ACSL3: variants seen among roughly 807,000 people sequenced by gnomAD.
ACSL3 encodes the protein acyl-CoA synthetase long chain family member 3, also known as fatty acid CoA ligase Acsl3.
In ACSL3, 34 loss-of-function variants were observed where a neutral mutation model predicts 84.7. The ratio of observed to expected loss-of-function variants is 0.40; its 90% CI spans 0.31 to 0.53. ACSL3 has a LOEUF of 0.53. ACSL3 is among the 20% of genes least tolerant of loss of function. The pLI is 0.48. For synonymous variants in ACSL3, 315 were observed against 299.4 expected (o/e 1.05, Z -0.54); for missense variants, 680 against 873.1 (o/e 0.78, Z 2.79).
Position 222,941,828 on chromosome 2 carries a change from G to A in ACSL3, c.*174G>A. 1 of 614,030 alleles carries A rather than the reference G, an allele frequency of 1.6e-6. No homozygotes were observed. 38.0% of individuals were successfully genotyped at this position (614,030 alleles called of 1,614,324 possible). On this transcript the variant is annotated 3_prime_UTR_variant, in exon 17 of 17. Coordinates refer to ENST00000357430, the MANE Select transcript of ACSL3 (RefSeq NM_004457.5). ...AGTAAAACATTAAGACAGCAAACTT[G>A]TGTCTGTCTCTTCTTTCATTTTCCC...
At chr2:222,894,981 C>G (rs1161481886) in intron 2 of ACSL3, among the ~76,000 whole-genome samples, 1 of 151,978 alleles carries the variant, frequency 6.6e-6, no homozygotes, top group Non-Finnish European at 1.5e-5. Context: ...GACTATGTTA[C>G]TACTAGTTGC....
At position 222,921,303 on chromosome 2, in the gene ACSL3, T is replaced by C; in HGVS notation, c.829T>C (p.Leu277=). Residue 277 remains leucine (L), a synonymous_variant, in exon 8 of 17, where the codon TTG becomes CTG. Transcript: ENST00000357430. ...AGAAAACCAACCTCATAGCAAACCA[T>C]TGCCCTCAGATATTGCAGTAATCAT... ...SMENQPHSKP[L]PSDIAVIMYT... is the part of the protein sequence containing the mutation. 6.3e-7 allele frequency: 1 copy of C among 1,597,326 alleles called. No individual in the cohort carries two copies. Among genetic ancestry groups the C allele is most frequent in the Non-Finnish European group, 8.6e-7 (1 of 1,166,090 alleles).
At chr2:222,921,016 A>C in intron 7 of ACSL3, 1 of 569,148 alleles carries the variant, frequency 1.8e-6, no homozygotes. Flanking sequence ...TTTCCATCCA[A>C]ATAGCATCTA....
At chr2:222,934,281 A>G (rs1026228250) in intron 15 of ACSL3, among the ~76,000 whole-genome samples, 5 of 152,348 alleles carry the variant, frequency 3.3e-5, no homozygotes, top group African/African-American at 1.2e-4. Flanking sequence ...ACAGTTTTTC[A>G]TAGTTGAAAT....
rs1696999774 is a variant in ACSL3 at position 222,930,495 on chromosome 2, G to A, written c.1541-126G>A. 2.0e-5 allele frequency: 15 copies of A among 731,934 alleles called. No individual in the cohort carries two copies. In the South Asian group the frequency reaches 4.2e-4, roughly 21 times the overall value. 45.3% of individuals were successfully genotyped at this position (731,934 alleles called of 1,614,324 possible). A position where few individuals can be genotyped will look rare whatever the true frequency, so the allele number is the denominator to read the frequency against. On this transcript the variant is annotated intron_variant, in intron 13 of 16. Transcript: ENST00000357430. ...TTGATAAACTTTGTTCATTCATAGTGTCTGCCTTTTTTCCTTTGGGAAGTT... is the reference window on the plus strand; with the variant it reads ...TTGATAAACTTTGTTCATTCATAGTATCTGCCTTTTTTCCTTTGGGAAGTT...
chr2:222,894,330 G>A (rs980327793), intron 2 of ACSL3, among the ~76,000 whole-genome samples: 3 of 152,140 alleles, frequency 2.0e-5, no homozygotes, highest in Admixed American at 2.0e-4. Context: ...GATCTTCCTT[G>A]TGCTTGATCA....
At chr2:222,885,252 T>G (rs1695691560) in intron 1 of ACSL3, among the ~76,000 whole-genome samples, 1 of 152,194 alleles carries the variant, frequency 6.6e-6, no homozygotes, top group South Asian at 2.1e-4. Flanking sequence ...TCAAAAGGGA[T>G]TGCTGGGTCA....
intron 1 of ACSL3, among the ~76,000 whole-genome samples, chr2:222,876,378 A>G (rs1002091499): frequency 1.3e-5 from 2 of 151,926 alleles, no homozygotes; most frequent in African/African-American, 4.8e-5. Context: ...CTGAAGTGCC[A>G]TGGCACAATC....
intron 3 of ACSL3, among the ~76,000 whole-genome samples, chr2:222,903,643 T>C (rs1173373469): frequency 2.0e-5 from 3 of 152,216 alleles, no homozygotes; most frequent in Non-Finnish European, 4.4e-5. Context: ...TTATAAAATT[T>C]TTTTCTGTAT....
chr2:222,876,592 G>A (rs192034989), intron 1 of ACSL3, among the ~76,000 whole-genome samples: 2 of 152,220 alleles, frequency 1.3e-5, no homozygotes, highest in Admixed American at 6.5e-5. Flanking sequence ...AAACTGTTGG[G>A]ATTACAGGCA....
At position 222,941,703 on chromosome 2, in the gene ACSL3, G is replaced by GA; in HGVS notation, c.*53dup. ...GCTACAGTGAGCTCAGATCAAATAGGAAAATACTTGAAATGCATGTCTCAA... is the reference window on the plus strand; with the variant it reads ...GCTACAGTGAGCTCAGATCAAATAGGAAAAATACTTGAAATGCATGTCTCAA... On this transcript the variant is annotated 3_prime_UTR_variant, in exon 17 of 17. Transcript: ENST00000357430. 6.5e-7 allele frequency: 1 copy of GA among 1,530,428 alleles called. No individual in the cohort carries two copies. Among genetic ancestry groups the GA allele is most frequent in the Non-Finnish European group, 8.8e-7 (1 of 1,134,646 alleles). The allele number at this position is 1,530,428 out of a possible 1,614,324, so 94.8% of individuals were successfully genotyped here. A position where few individuals can be genotyped will look rare whatever the true frequency, so the allele number is the denominator to read the frequency against.
chr2:222,879,905 T>C (rs1695547578), intron 1 of ACSL3, among the ~76,000 whole-genome samples: 1 of 152,130 alleles, frequency 6.6e-6, no homozygotes, highest in East Asian at 1.9e-4. Flanking sequence ...CCTTTTTTTT[T>C]TTTTTCTATT....
chr2:222,873,647 T>C (rs972524557), intron 1 of ACSL3, among the ~76,000 whole-genome samples: 1 of 152,228 alleles, frequency 6.6e-6, no homozygotes, highest in Non-Finnish European at 1.5e-5. Context: ...GGAAATATAT[T>C]GTGTGTAAAT....
At chr2:222,876,570 C>A (rs921709839) in intron 1 of ACSL3, among the ~76,000 whole-genome samples, 12 of 152,102 alleles carry the variant, frequency 7.9e-5, no homozygotes, top group African/African-American at 2.7e-4. Context: ...ATTCCTCCTG[C>A]CTCAGTTACC....
At chr2:222,913,422 A>G (rs1382892941) in intron 4 of ACSL3, among the ~76,000 whole-genome samples, 3 of 152,088 alleles carry the variant, frequency 2.0e-5, no homozygotes, top group African/African-American at 7.2e-5. Context: ...TGGGTTGGTT[A>G]TTATATTACT....
At chr2:222,919,703 G>A (rs115973956) in intron 7 of ACSL3, among the ~76,000 whole-genome samples, 154 of 152,326 alleles carry the variant, frequency 1.0e-3, no homozygotes, top group African/African-American at 3.4e-3. Flanking sequence ...GTTAGCTAGT[G>A]TACTAGTGTT....
At chr2:222,894,049 TGTTACAG>T (rs1015359668) in intron 2 of ACSL3, among the ~76,000 whole-genome samples, 51 of 152,328 alleles carry the variant, frequency 3.3e-4, no homozygotes, top group African/African-American at 1.2e-3. Context: ...AATTGGGAGT[TGTTACAG>T]GGCATTTGAC....
At chr2:222,896,239 C>T (rs1425145899) in intron 2 of ACSL3, among the ~76,000 whole-genome samples, 2 of 8,768 alleles carry the variant, frequency 2.3e-4, no homozygotes, top group Non-Finnish European at 3.6e-4. Flanking sequence ...GGCGGCTGGC[C>T]GGGCAGAGGG....
intron 13 of ACSL3, among the ~76,000 whole-genome samples, chr2:222,929,389 A>G (rs1696964303): frequency 6.6e-6 from 1 of 152,098 alleles, no homozygotes; most frequent in Non-Finnish European, 1.5e-5. Context: ...TTCTCATGCC[A>G]TTTAAAATAA....
Sources: allele counts gnomAD v4.1 joint callset (sites outside exome capture counted in the v4.1 genomes callset), GRCh38; gene constraint gnomAD v4.1.1; transcripts MANE v1.5; gene names NCBI Gene and HGNC (gene_info 2026-07-23, HGNC 2026-07-21).